Variants in TMEM132B observed in about 807,000 individuals in gnomAD.
TMEM132B encodes transmembrane protein 132B.
TMEM132B carries 18 observed loss-of-function variants against 90.8 expected under a neutral mutation model. The ratio of observed to expected loss-of-function variants is 0.20; its 90% CI spans 0.14 to 0.29. The LOEUF is 0.29. TMEM132B is among the 10% of genes least tolerant of loss of function. The probability of loss-of-function intolerance (pLI) is 1.00; values close to 1 mark genes in which losing one functional copy is unlikely to be tolerated. For missense variants in TMEM132B, 1,096 were observed against 1,326.8 expected, an observed-to-expected ratio of 0.83 and a Z score of 2.70; for synonymous variants, 504 against 523.3, an observed-to-expected ratio of 0.96 and a Z score of 0.50.
intron 1 of TMEM132B, among the ~76,000 whole-genome samples, chr12:125,265,257 A>G (rs777904334): frequency 1.6e-4 from 24 of 152,332 alleles, no homozygotes; most frequent in Non-Finnish European, 3.4e-4. Flanking sequence ...ATACATTGCA[A>G]GATCCCCAGT....
intron 2 of TMEM132B, among the ~76,000 whole-genome samples, chr12:125,359,575 T>C (rs1383356220): frequency 6.6e-6 from 1 of 152,200 alleles, no homozygotes; most frequent in Non-Finnish European, 1.5e-5. Flanking sequence ...CTAAAGACCA[T>C]GAGCTTCCTA....
intron 4 of TMEM132B, among the ~76,000 whole-genome samples, chr12:125,555,048 T>C (rs867208191): frequency 6.6e-6 from 1 of 152,160 alleles, no homozygotes; most frequent in East Asian, 1.9e-4. Context: ...AAATGATTGA[T>C]GTGACTGGTC....
chr12:125,449,292 C>G (rs1455945598), intron 3 of TMEM132B, among the ~76,000 whole-genome samples: 2 of 152,088 alleles, frequency 1.3e-5, no homozygotes, highest in African/African-American at 4.8e-5. Context: ...GAGGAAATAT[C>G]TGGTCAGTTT....
At chr12:125,199,357 G>A (rs11058065) in intron 1 of TMEM132B, among the ~76,000 whole-genome samples, 41,443 of 152,000 alleles carry the variant, frequency 0.27, 6,332 homozygotes, top group East Asian at 0.38. Context: ...TCTTAGCTAC[G>A]GTAATGCTGA....
chr12:125,377,063 G>C (rs1878515743), intron 2 of TMEM132B, among the ~76,000 whole-genome samples: 1 of 152,256 alleles, frequency 6.6e-6, no homozygotes, highest in Non-Finnish European at 1.5e-5. Flanking sequence ...GAGGCTCGCT[G>C]AGAGTGGGGC....
At chr12:125,609,430 C>A (rs1885772256) in intron 5 of TMEM132B, among the ~76,000 whole-genome samples, 1 of 151,976 alleles carries the variant, frequency 6.6e-6, no homozygotes, top group Non-Finnish European at 1.5e-5. Context: ...ATTAGCTTAC[C>A]AATTTCTGTT....
chr12:125,526,806 C>T lies in TMEM132B; in HGVS notation c.1293+7181C>T, dbSNP rs562380040. On this transcript the variant is annotated intron_variant, in intron 4 of 8. Transcript: ENST00000682704. ...AAGCAGGCAGGCTGGCAGAGGGAGGCGGCTGTGGGGAGGTGCTCACTCATT... is the reference window on the plus strand; with the variant it reads ...AAGCAGGCAGGCTGGCAGAGGGAGGTGGCTGTGGGGAGGTGCTCACTCATT... Among the ~76,000 whole-genome samples the T allele has an allele frequency of 3.9e-5, 6 of 152,150 alleles. No homozygotes were observed. The East Asian group carries it at 7.7e-4, about 20-fold the overall frequency.
intron 1 of TMEM132B, among the ~76,000 whole-genome samples, chr12:125,196,455 C>G (rs1433047260): frequency 6.6e-6 from 1 of 152,182 alleles, no homozygotes; most frequent in Non-Finnish European, 1.5e-5. Context: ...TGCCTGTAAT[C>G]CCAGCACTTT....
At chr12:125,394,371 T>A (rs1879113698) in intron 2 of TMEM132B, among the ~76,000 whole-genome samples, 1 of 152,162 alleles carries the variant, frequency 6.6e-6, no homozygotes, top group Non-Finnish European at 1.5e-5. Context: ...AGCGACAGCT[T>A]GGGATTTTGA....
At chr12:125,282,064 A>G (rs1593067439) in intron 1 of TMEM132B, among the ~76,000 whole-genome samples, 1 of 132,282 alleles carries the variant, frequency 7.6e-6, no homozygotes, top group African/African-American at 2.9e-5. Context: ...AAAAAAAGAG[A>G]GACTTTTGAA....
intron 1 of TMEM132B, among the ~76,000 whole-genome samples, chr12:125,276,170 G>C (rs1352339922): frequency 2.6e-5 from 4 of 152,130 alleles, no homozygotes; most frequent in Non-Finnish European, 5.9e-5. Flanking sequence ...TAAATATATA[G>C]TTTACATCTG....
At chr12:125,487,300 A>G (rs976992482) in intron 3 of TMEM132B, among the ~76,000 whole-genome samples, 7 of 152,202 alleles carry the variant, frequency 4.6e-5, no homozygotes, top group African/African-American at 7.2e-5. Flanking sequence ...GTGGCTTGTC[A>G]CTAAGAAATT....
At chr12:125,552,129 C>A (rs567712944) in intron 4 of TMEM132B, among the ~76,000 whole-genome samples, 1 of 152,284 alleles carries the variant, frequency 6.6e-6, no homozygotes, top group African/African-American at 2.4e-5. Flanking sequence ...ATAAAATAAC[C>A]TGTATAATTT....
chr12:125,417,032 G>T (rs1880034077), intron 3 of TMEM132B, among the ~76,000 whole-genome samples: 4 of 152,192 alleles, frequency 2.6e-5, no homozygotes. Context: ...TTGAGAGGTA[G>T]ATGGTGCCAT....
intron 2 of TMEM132B, among the ~76,000 whole-genome samples, chr12:125,379,834 A>G (rs1247540261): frequency 6.6e-6 from 1 of 152,204 alleles, no homozygotes; most frequent in Non-Finnish European, 1.5e-5. Flanking sequence ...GAATGAAGCA[A>G]GGACATTTCC....
intron 3 of TMEM132B, among the ~76,000 whole-genome samples, chr12:125,420,349 C>T (rs1017800335): frequency 7.2e-5 from 11 of 152,240 alleles, no homozygotes; most frequent in African/African-American, 2.4e-4. Context: ...TCACAGACCT[C>T]AATTCTTAAC....
Position 125,570,123 on chromosome 12 carries a change from G to A in TMEM132B, c.1294-13728G>A, listed in dbSNP as rs553573437. ...TCCTACTCCACCCCGGGCAGTATGC[G>A]AGCCAATGGGAAAAAAGAAACCTGG... is the stretch of plus-strand genomic sequence containing the variant. On this transcript the variant is annotated intron_variant, in intron 4 of 8. Coordinates refer to ENST00000682704, the MANE Select transcript of TMEM132B (RefSeq NM_001366854.1). 1.6e-4 allele frequency among the ~76,000 whole-genome samples: 24 copies of A among 152,222 alleles called. No homozygotes were observed. The South Asian group carries it at 3.5e-3, about 22-fold the overall frequency.
chr12:125,654,564 A>G lies in TMEM132B; in HGVS notation c.3106A>G (p.Thr1036Ala). 1 of 1,614,060 alleles carries G rather than the reference A, an allele frequency of 6.2e-7. No homozygotes were observed. Among genetic ancestry groups the G allele is most frequent in the Non-Finnish European group, 8.5e-7 (1 of 1,180,016 alleles). Residue 1036 changes from threonine (T) to alanine (A), a missense_variant, in exon 9 of 9, where the codon ACC becomes GCC. By Grantham distance (58) the Thr-to-Ala change is moderately conservative (BLOSUM62 0). Transcript: ENST00000682704. This position sits in a 1 kb window ranked among gnomAD's most constrained non-coding sequence, Gnocchi z 5.8. ...GAGAGTCAAGTTCACTTCCTACACC[A>G]CCATCCTCCCAGAGGACGGCGGCCC... is the stretch of plus-strand genomic sequence containing the variant. ...RKRVKFTSYT[T>A]ILPEDGGPYT...
At chr12:125,645,701 C>A (rs984919218) in intron 6 of TMEM132B, among the ~76,000 whole-genome samples, 1 of 152,204 alleles carries the variant, frequency 6.6e-6, no homozygotes, top group Non-Finnish European at 1.5e-5. Context: ...ACTTGTGAAT[C>A]TCTGTGTAGA....
Sources: allele counts gnomAD v4.1 joint callset (sites outside exome capture counted in the v4.1 genomes callset), GRCh38; gene constraint gnomAD v4.1.1; non-coding constraint Gnocchi (gnomAD v3.1); transcripts MANE v1.5; gene names NCBI Gene and HGNC (gene_info 2026-07-23, HGNC 2026-07-21).